CFAP47: variants seen among roughly 807,000 people sequenced by gnomAD.
CFAP47 encodes cilia and flagella associated protein 47, also known as cilia- and flagella-associated protein 47.
In CFAP47, 29 loss-of-function variants were observed where a neutral mutation model predicts 148.1. The observed-to-expected ratio is 0.20, with a 90% CI of 0.15 to 0.27. The LOEUF is 0.27. Among genes scored for constraint, CFAP47 ranks in the 10% least tolerant of loss-of-function variants. The probability of loss-of-function intolerance (pLI) is 1.00; values close to 1 mark genes in which losing one functional copy is unlikely to be tolerated. For synonymous variants in CFAP47, 664 were observed against 577.3 expected, an observed-to-expected ratio of 1.15 and a Z score of -2.15; for missense variants, 1,872 against 1,697.5, an observed-to-expected ratio of 1.10 and a Z score of -1.81.
chrX:35,925,723 C>T (rs1200871169), intron 1 of CFAP47, among the ~76,000 whole-genome samples: 1 of 112,145 alleles, frequency 8.9e-6, no homozygotes, highest in Non-Finnish European at 1.9e-5. Context: ...ATGGCACGAC[C>T]TCGGCTCACT....
At chrX:36,026,918 A>G (rs1309735056) in intron 22 of CFAP47, among the ~76,000 whole-genome samples, 1 of 109,033 alleles carries the variant, frequency 9.2e-6, no homozygotes, top group Non-Finnish European at 1.9e-5. Flanking sequence ...AAAATTTTGA[A>G]ACTATGGTTA....
At chrX:35,920,469 C>A (rs1935560605) in intron 1 of CFAP47, among the ~76,000 whole-genome samples, 1 of 111,768 alleles carries the variant, frequency 8.9e-6, no homozygotes, top group Admixed American at 9.5e-5. Flanking sequence ...TTCATTATTT[C>A]ATATTTTAAC....
intron 57 of CFAP47, among the ~76,000 whole-genome samples, chrX:36,332,403 C>A (rs1340671530): frequency 9.0e-6 from 1 of 111,255 alleles, no homozygotes; most frequent in Non-Finnish European, 1.9e-5. Flanking sequence ...AATAAGTACA[C>A]AAATGAAACT....
rs1400616865 is a variant in CFAP47, at chrX:35,948,338, G to T, written c.542G>T (p.Gly181Val). 4 of 1,201,178 alleles carry T rather than the reference G, an allele frequency of 3.3e-6. No homozygotes were observed. The African/African-American group carries it at 7.0e-5, about 21-fold the overall frequency. The change falls in exon 4 of 64, where the codon GGC becomes GTC. Residue 181 changes from glycine to valine, a missense_variant. Coordinates refer to ENST00000378653, the MANE Select transcript of CFAP47 (RefSeq NM_001304548.2). ...APGIFKAEYHGQLPILIFPTS... is the reference protein window; with the variant it reads ...APGIFKAEYHVQLPILIFPTS... ...GGCATATTTAAGGCAGAATACCACG[G>T]CCAATTACCCATCCTCATTTTTCCA...
intron 22 of CFAP47, among the ~76,000 whole-genome samples, chrX:36,023,403 C>T (rs1937181791): frequency 9.0e-6 from 1 of 111,606 alleles, no homozygotes; most frequent in Admixed American, 9.5e-5. Context: ...TATGCTGTGT[C>T]AGACCTGAAG....
At chrX:36,379,312 C>T (rs781827766) in intron 62 of CFAP47, 38 bp from the exon 63 acceptor site, 189 of 1,138,017 alleles carry the variant, frequency 1.7e-4, no homozygotes, top group Non-Finnish European at 2.1e-4. Context: ...GAAGTAATGA[C>T]GAAATTTACT....
chrX:36,356,932 C>T (rs1425868526), intron 60 of CFAP47, among the ~76,000 whole-genome samples: 1 of 112,088 alleles, frequency 8.9e-6, no homozygotes, highest in East Asian at 2.8e-4. Flanking sequence ...ATTAATTATA[C>T]AAATGAATTG....
At chrX:36,135,423 CTG>C (rs1939027246) in intron 33 of CFAP47, among the ~76,000 whole-genome samples, 1 of 111,750 alleles carries the variant, frequency 8.9e-6, no homozygotes, top group Admixed American at 9.5e-5. Context: ...TACCTCATCT[CTG>C]TGACATCCAT....
chrX:36,349,272 T>C (rs1941723011), intron 58 of CFAP47, among the ~76,000 whole-genome samples: 1 of 111,485 alleles, frequency 9.0e-6, no homozygotes. Flanking sequence ...AATTAATTGA[T>C]TAATATTTTG....
chrX:35,971,566 T>C lies in CFAP47; in HGVS notation c.1971-20T>C. 1 of 994,240 alleles carries C rather than the reference T, an allele frequency of 1.0e-6. No individual in the cohort carries two copies. Among genetic ancestry groups the C allele is most frequent in the Non-Finnish European group, 1.3e-6 (1 of 746,471 alleles). 81.9% of individuals were successfully genotyped at this position (994,240 alleles called of 1,213,427 possible). A position where few individuals can be genotyped will look rare whatever the true frequency, so the allele number is the denominator to read the frequency against. On this transcript the variant is annotated intron_variant, in intron 11 of 63. Coordinates refer to ENST00000378653, the MANE Select transcript of CFAP47 (RefSeq NM_001304548.2). ...TGACTTGACCTCAATTACTGATTAT[T>C]ATTATTATTAATTTTATAGGGAGCG...
At chrX:36,248,381 T>G (rs782663259) in intron 48 of CFAP47, among the ~76,000 whole-genome samples, 1 of 105,074 alleles carries the variant, frequency 9.5e-6, no homozygotes, top group East Asian at 2.9e-4. Context: ...ATATATATTA[T>G]AACATATTAT....
At position 36,330,798 on chromosome X, in the gene CFAP47, G is replaced by GT. The variant is rs1225255134; in HGVS notation, c.8443+11492dup. Among the ~76,000 whole-genome samples the GT allele has an allele frequency of 2.7e-5, 3 of 111,549 alleles. No individual in the cohort carries two copies. In the Admixed American group the frequency reaches 2.9e-4, roughly 11 times the overall value. ...TTCCGTTACTAAGACTAAATTGTCT[G>GT]TGCCACCATCTAAAGCCAGCCCCTC... On this transcript the variant is annotated intron_variant, in intron 57 of 63. Coordinates refer to ENST00000378653, the MANE Select transcript of CFAP47 (RefSeq NM_001304548.2).
chrX:36,369,766 C>A (rs782368846), intron 62 of CFAP47, among the ~76,000 whole-genome samples: 2 of 111,471 alleles, frequency 1.8e-5, no homozygotes, highest in East Asian at 5.7e-4. Flanking sequence ...GTAGAAGATG[C>A]ATGGCATTTT....
At chrX:36,127,166 C>A (rs1380857952) in intron 33 of CFAP47, among the ~76,000 whole-genome samples, 1 of 111,852 alleles carries the variant, frequency 8.9e-6, no homozygotes, top group Non-Finnish European at 1.9e-5. Context: ...GAAGTCTTTG[C>A]CCATGCCTAT....
chrX:36,244,210 A>G (rs1395008828), intron 48 of CFAP47, among the ~76,000 whole-genome samples: 1 of 111,641 alleles, frequency 9.0e-6, no homozygotes, highest in African/African-American at 3.2e-5. Flanking sequence ...ATAACTTATA[A>G]AAATCTCTGG....
intron 49 of CFAP47, among the ~76,000 whole-genome samples, chrX:36,265,574 G>A (rs1940881498): frequency 9.0e-6 from 1 of 111,537 alleles, no homozygotes; most frequent in Admixed American, 9.5e-5. Flanking sequence ...TTTGAGGTTT[G>A]TTCCTTCGGT....
rs770025806 is a variant in CFAP47 at position 35,942,942 on chromosome X, G to A, written c.517+1544G>A. On this transcript the variant is annotated intron_variant, in intron 3 of 63. Coordinates refer to ENST00000378653, the MANE Select transcript of CFAP47 (RefSeq NM_001304548.2). ...CCTTGGTTGGGTTTATTATACTTGA[G>A]TACTGTGAAATGTTAATGGCTATTA... is the stretch of plus-strand genomic sequence containing the variant. Among the ~76,000 whole-genome samples the A allele has an allele frequency of 1.3e-4, 14 of 111,714 alleles. No homozygotes were observed. The East Asian group carries it at 3.9e-3, about 31-fold the overall frequency.
intron 15 of CFAP47, among the ~76,000 whole-genome samples, chrX:35,976,833 A>G (rs1936577648): frequency 8.9e-6 from 1 of 112,009 alleles, no homozygotes. Context: ...TTAATAGAAG[A>G]CAATCTCAGA....
At chrX:36,330,858 T>C (rs1384725190) in intron 57 of CFAP47, among the ~76,000 whole-genome samples, 3 of 111,963 alleles carry the variant, frequency 2.7e-5, no homozygotes, top group African/African-American at 9.7e-5. Context: ...TTCTAATTTT[T>C]CAATGATCAT....
Sources: allele counts gnomAD v4.1 joint callset (sites outside exome capture counted in the v4.1 genomes callset), GRCh38; gene constraint gnomAD v4.1.1; transcripts MANE v1.5; gene names NCBI Gene and HGNC (gene_info 2026-07-23, HGNC 2026-07-21).